Variants in GSK3B observed in about 807,000 individuals in gnomAD.
The protein encoded by GSK3B is glycogen synthase kinase 3 beta, also known as glycogen synthase kinase-3 beta.
GSK3B carries 15 observed loss-of-function variants against 56.4 expected under a neutral mutation model. The observed-to-expected ratio is 0.27, with a 90% CI of 0.18 to 0.41. GSK3B has a LOEUF of 0.41. GSK3B is among the 10% of genes least tolerant of loss of function. The probability of loss-of-function intolerance (pLI) is 1.00; values close to 1 mark genes in which losing one functional copy is unlikely to be tolerated. For missense variants in GSK3B, 300 were observed against 513.4 expected, an observed-to-expected ratio of 0.58 and a Z score of 4.02; for synonymous variants, 181 against 188.9, an observed-to-expected ratio of 0.96 and a Z score of 0.34.
At chr3:120,071,242 C>T (rs2058324056) in intron 1 of GSK3B, among the ~76,000 whole-genome samples, 3 of 152,208 alleles carry the variant, frequency 2.0e-5, no homozygotes, top group African/African-American at 7.2e-5. Flanking sequence ...ATTCTGTGAT[C>T]ACTCTTTTAG....
chr3:119,855,044 C>T (rs2055997042), intron 9 of GSK3B, among the ~76,000 whole-genome samples: 1 of 152,076 alleles, frequency 6.6e-6, no homozygotes, highest in African/African-American at 2.4e-5. Context: ...CCTTCTTTCT[C>T]TTGTGGGCAT....
chr3:119,907,558 C>T (rs996358361), intron 6 of GSK3B, among the ~76,000 whole-genome samples: 4 of 152,100 alleles, frequency 2.6e-5, no homozygotes, highest in Non-Finnish European at 5.9e-5. Context: ...GGATGAAATT[C>T]TCCAGATAGA....
At chr3:120,032,769 C>T (rs898542391) in intron 1 of GSK3B, among the ~76,000 whole-genome samples, 1 of 152,252 alleles carries the variant, frequency 6.6e-6, no homozygotes, top group African/African-American at 2.4e-5. Context: ...TTTATAACAT[C>T]TCATGTTAGT....
intron 1 of GSK3B, among the ~76,000 whole-genome samples, chr3:120,043,579 A>G (rs1266032504): frequency 1.3e-5 from 2 of 152,172 alleles, no homozygotes; most frequent in Non-Finnish European, 2.9e-5. Flanking sequence ...ATTGAGAGAT[A>G]TGTTCCCAAT....
chr3:119,904,232 T>C (rs2056658730), intron 7 of GSK3B, among the ~76,000 whole-genome samples: 1 of 152,222 alleles, frequency 6.6e-6, no homozygotes. Context: ...ATATTTTATC[T>C]AGTCCTTTAC....
intron 7 of GSK3B, among the ~76,000 whole-genome samples, chr3:119,881,227 C>T (rs2056375185): frequency 6.6e-6 from 1 of 152,016 alleles, no homozygotes; most frequent in Admixed American, 6.6e-5. Context: ...ACATGACTGC[C>T]TTAAAGTTCA....
At chr3:119,957,743 T>C (rs986730132) in intron 2 of GSK3B, among the ~76,000 whole-genome samples, 2 of 152,112 alleles carry the variant, frequency 1.3e-5, no homozygotes, top group South Asian at 2.1e-4. Flanking sequence ...GGTGTAGGCA[T>C]AGAGAGGTTA....
intron 2 of GSK3B, among the ~76,000 whole-genome samples, chr3:119,987,401 T>C (rs767437588): frequency 2.0e-5 from 3 of 152,126 alleles, no homozygotes; most frequent in African/African-American, 4.8e-5. Flanking sequence ...GTAAGGAAAG[T>C]AAAATATACT....
intron 10 of GSK3B, 41 bp from the exon 11 acceptor site, chr3:119,826,896 T>G: frequency 8.1e-7 from 1 of 1,236,734 alleles, no homozygotes; most frequent in Non-Finnish European, 1.2e-6. Context: ...TGAGCAATGC[T>G]ATAACAACAA....
At chr3:119,974,678 C>A (rs1237604222) in intron 2 of GSK3B, among the ~76,000 whole-genome samples, 3 of 152,154 alleles carry the variant, frequency 2.0e-5, no homozygotes, top group Non-Finnish European at 2.9e-5. Context: ...TGAACAGATA[C>A]CTCATCAAAA....
intron 1 of GSK3B, among the ~76,000 whole-genome samples, chr3:120,035,168 G>A (rs549717902): frequency 6.6e-6 from 1 of 152,150 alleles, no homozygotes; most frequent in African/African-American, 2.4e-5. Context: ...CTTACAAAAA[G>A]AATTTTGGAC....
chr3:119,973,697 T>A (rs2057387629), intron 2 of GSK3B, among the ~76,000 whole-genome samples: 1 of 152,254 alleles, frequency 6.6e-6, no homozygotes, highest in Non-Finnish European at 1.5e-5. Flanking sequence ...ATACTGTAAT[T>A]ATATAATTGT....
intron 9 of GSK3B, among the ~76,000 whole-genome samples, chr3:119,847,587 AC>A (rs1469255490): frequency 1.3e-5 from 2 of 152,214 alleles, no homozygotes; most frequent in Admixed American, 6.5e-5. Flanking sequence ...TAATCAACTT[AC>A]AGAAAAAGCC....
At chr3:119,871,503 T>G (rs2056249702) in intron 8 of GSK3B, among the ~76,000 whole-genome samples, 1 of 152,172 alleles carries the variant, frequency 6.6e-6, no homozygotes, top group Non-Finnish European at 1.5e-5. Context: ...CAATGAGGAA[T>G]TGCTATAATA....
chr3:120,028,730 G>A (rs746731496), intron 1 of GSK3B: 5 of 470,378 alleles, frequency 1.1e-5, no homozygotes, highest in African/African-American at 4.0e-5. Context: ...GTGGGGCAGA[G>A]GTTGGGAAGA....
chr3:119,942,966 G>A (rs2057064733), intron 3 of GSK3B, among the ~76,000 whole-genome samples: 1 of 152,134 alleles, frequency 6.6e-6, no homozygotes, highest in Admixed American at 6.5e-5. Context: ...TGATGCTCTA[G>A]TTACTACAGC....
intron 1 of GSK3B, among the ~76,000 whole-genome samples, chr3:120,041,915 G>C (rs1011859684): frequency 1.3e-5 from 2 of 152,214 alleles, no homozygotes; most frequent in African/African-American, 4.8e-5. Flanking sequence ...AAGCCTTAAA[G>C]TACTTGCAGA....
chr3:120,050,008 G>C (rs753729070), intron 1 of GSK3B, among the ~76,000 whole-genome samples: 11 of 152,224 alleles, frequency 7.2e-5, no homozygotes, highest in Non-Finnish European at 1.2e-4. Flanking sequence ...CTACAGGCTA[G>C]GAAATTTAAA....
intron 1 of GSK3B, among the ~76,000 whole-genome samples, chr3:120,039,435 G>A (rs79880003): frequency 0.026 from 3,955 of 152,070 alleles, 174 homozygotes; most frequent in African/African-American, 0.089. Flanking sequence ...TAACTTCCTC[G>A]TTTTTTGTTC....
Sources: gnomAD v4.1 joint callset for allele counts (sites outside exome capture counted in the v4.1 genomes callset) on GRCh38, gnomAD v4.1.1 for gene constraint, MANE v1.5 for transcripts, NCBI Gene and HGNC (gene_info 2026-07-23, HGNC 2026-07-21) for gene names.